The following C8orf34 variants were observed in gnomAD, a reference collection of about 807,000 sequenced individuals.
The protein encoded by C8orf34 is chromosome 8 open reading frame 34, also known as uncharacterized protein C8orf34.
In C8orf34, 65 loss-of-function variants were observed where a neutral mutation model predicts 68.3. The ratio of observed to expected loss-of-function variants is 0.95; its 90% CI spans 0.78 to 1.17. C8orf34 has a LOEUF of 1.17. Ranked by LOEUF, C8orf34 falls within the 50% of genes most tolerant of loss-of-function variation. The pLI is 0.00. For missense variants in C8orf34, 664 were observed against 655.4 expected (o/e 1.01, Z -0.14); for synonymous variants, 244 against 241.2 (o/e 1.01, Z -0.11).
chr8:68,702,534 T>C (rs1821049279), intron 8 of C8orf34, among the ~76,000 whole-genome samples: 1 of 152,190 alleles, frequency 6.6e-6, no homozygotes, highest in Admixed American at 6.6e-5. Flanking sequence ...AGTTAGATAC[T>C]GTTTTCTTCC....
chr8:68,484,549 TC>T (rs1247732180), intron 4 of C8orf34, among the ~76,000 whole-genome samples: 12 of 152,164 alleles, frequency 7.9e-5, no homozygotes, highest in African/African-American at 2.9e-4. Flanking sequence ...TTTCTGAAGA[TC>T]CCCAGTCTTC....
Position 68,748,775 on chromosome 8 carries a change from C to T in C8orf34, c.1404+27338C>T, listed in dbSNP as rs374435169. ...AGAATGTGGAGAAATAGGAACACTT[C>T]TACACTGTTGGTGGGACTGTAAACT... On this transcript the variant is annotated intron_variant, in intron 10 of 13. Coordinates refer to ENST00000518698, the MANE Select transcript of C8orf34 (RefSeq NM_052958.4). Among the ~76,000 whole-genome samples the T allele has an allele frequency of 1.8e-4, 27 of 152,230 alleles. No homozygotes were observed. In the South Asian group the frequency reaches 4.8e-3, roughly 27 times the overall value.
chr8:68,533,729 A>G (rs1815347760), intron 7 of C8orf34: 1 of 942,456 alleles, frequency 1.1e-6, no homozygotes, highest in South Asian at 4.9e-5. Flanking sequence ...ATATTTTTTA[A>G]TGTAGTATAT....
chr8:68,546,091 T>C (rs1293671894), intron 7 of C8orf34, among the ~76,000 whole-genome samples: 4 of 151,724 alleles, frequency 2.6e-5, no homozygotes, highest in Admixed American at 6.6e-5. Context: ...GTACAAAGAG[T>C]TTTCCCTAAA....
chr8:68,504,247 T>G (rs1813904939), intron 5 of C8orf34, among the ~76,000 whole-genome samples: 1 of 152,244 alleles, frequency 6.6e-6, no homozygotes, highest in Non-Finnish European at 1.5e-5. Flanking sequence ...TTTGTCTATG[T>G]TGTTGTGTCT....
At chr8:68,467,501 G>C (rs1291477100) in intron 3 of C8orf34, among the ~76,000 whole-genome samples, 1 of 151,822 alleles carries the variant, frequency 6.6e-6, no homozygotes, top group Non-Finnish European at 1.5e-5. Context: ...CTTGCTCCCT[G>C]CTTGACTCAT....
intron 9 of C8orf34, among the ~76,000 whole-genome samples, chr8:68,715,015 T>TA (rs1366246795): frequency 6.6e-6 from 1 of 151,780 alleles, no homozygotes; most frequent in Non-Finnish European, 1.5e-5. Context: ...AACAAAAACA[T>TA]AAAGTGGGGA....
intron 7 of C8orf34, among the ~76,000 whole-genome samples, chr8:68,553,492 A>G (rs1170173037): frequency 1.3e-5 from 2 of 152,128 alleles, no homozygotes; most frequent in East Asian, 3.9e-4. Context: ...TCTCCAATGA[A>G]GCCATCTGTA....
In C8orf34 at chr8:68,655,884, T is replaced by A. The variant is rs143600150; in HGVS notation, c.1241+15373T>A. 4.8e-3 allele frequency among the ~76,000 whole-genome samples: 733 copies of A among 152,286 alleles called. 7 individuals carry two copies. The highest frequency in any genetic ancestry group is 0.016 in the African/African-American group (685 of 41,564). On this transcript the variant is annotated intron_variant, in intron 8 of 13. Coordinates refer to ENST00000518698, the MANE Select transcript of C8orf34 (RefSeq NM_052958.4). ...TTTCTAGAATGTAGGCACTGGTAAT[T>A]ATGCTGAATATCTAGCCTTAGGCCC...
chr8:68,437,319 CAA>C lies in C8orf34; in HGVS notation c.328-2177_328-2176del, dbSNP rs574068403. Among the ~76,000 whole-genome samples the C allele has an allele frequency of 4.7e-3, 722 of 152,120 alleles. 8 individuals are homozygous for C. Among genetic ancestry groups the C allele is most frequent in the African/African-American group, 0.017 (693 of 41,516 alleles). ...CTACTCTGAAAGGTAAATTCAAAAA[CAA>C]AACAAAACCATGAGATTTTCAGAGG... On this transcript the variant is annotated intron_variant, in intron 1 of 13. Transcript: ENST00000518698.
intron 8 of C8orf34, among the ~76,000 whole-genome samples, chr8:68,641,212 A>T (rs548405034): frequency 1.3e-5 from 2 of 152,320 alleles, no homozygotes; most frequent in African/African-American, 4.8e-5. Flanking sequence ...GGCCAATTTT[A>T]TCTCCTTTTC....
intron 1 of C8orf34, among the ~76,000 whole-genome samples, chr8:68,425,030 A>C (rs1328419072): frequency 6.6e-6 from 1 of 152,226 alleles, no homozygotes; most frequent in African/African-American, 2.4e-5. Flanking sequence ...AAGGCAGAAA[A>C]GTCACATCAT....
intron 1 of C8orf34, among the ~76,000 whole-genome samples, chr8:68,386,685 A>G (rs1031407497): frequency 6.6e-6 from 1 of 152,134 alleles, no homozygotes; most frequent in East Asian, 1.9e-4. Context: ...TTCTTTCAAA[A>G]TACCTTTTAC....
intron 7 of C8orf34, among the ~76,000 whole-genome samples, chr8:68,579,437 C>T (rs1163816234): frequency 6.6e-6 from 1 of 151,942 alleles, no homozygotes; most frequent in Non-Finnish European, 1.5e-5. Context: ...TAGATTTGGC[C>T]CTCTTGGCTT....
intron 1 of C8orf34, among the ~76,000 whole-genome samples, chr8:68,376,689 C>A (rs1433856131): frequency 4.6e-5 from 7 of 151,420 alleles, no homozygotes. Context: ...TAGATCAAAA[C>A]AAAACAAAGT....
intron 11 of C8orf34, among the ~76,000 whole-genome samples, chr8:68,784,545 TA>T (rs1442317077): frequency 6.6e-6 from 1 of 152,234 alleles, no homozygotes; most frequent in African/African-American, 2.4e-5. Context: ...CCCACATCCT[TA>T]AGGGTGGAGA....
At chr8:68,526,058 A>G (rs1814972162) in intron 6 of C8orf34, among the ~76,000 whole-genome samples, 1 of 148,444 alleles carries the variant, frequency 6.7e-6, no homozygotes, top group African/African-American at 2.5e-5. Context: ...TCCCAGTTCA[A>G]GTGAGCCTCC....
intron 10 of C8orf34, among the ~76,000 whole-genome samples, chr8:68,722,430 C>G (rs1414641056): frequency 1.3e-5 from 2 of 152,010 alleles, no homozygotes. Flanking sequence ...CCATAACACT[C>G]TGTGACGAGA....
At chr8:68,655,594 A>G (rs1819488541) in intron 8 of C8orf34, among the ~76,000 whole-genome samples, 1 of 152,186 alleles carries the variant, frequency 6.6e-6, no homozygotes. Flanking sequence ...AGTGGCAGCA[A>G]GCTTTAGCTC....
Sources: allele counts gnomAD v4.1 joint callset (sites outside exome capture counted in the v4.1 genomes callset), GRCh38; gene constraint gnomAD v4.1.1; transcripts MANE v1.5; gene names NCBI Gene and HGNC (gene_info 2026-07-23, HGNC 2026-07-21).